The following CENPU variants were observed in gnomAD, a reference collection of about 807,000 sequenced individuals.
CENPU encodes centromere protein U, also known as KSHV latent nuclear antigen interacting protein 1.
Under a neutral mutation model 56.7 loss-of-function variants are expected in CENPU, and 46 were observed. The ratio of observed to expected loss-of-function variants is 0.81; its 90% CI spans 0.64 to 1.04. The LOEUF is 1.04. Ranked by LOEUF, CENPU falls within the 50% of genes least tolerant of loss-of-function variation. The pLI is 0.00. For missense variants in CENPU, 510 were observed against 490.1 expected (o/e 1.04, Z -0.38); for synonymous variants, 166 against 163.0 (o/e 1.02, Z -0.14).
Position 184,694,248 on chromosome 4 carries a change from G to C in CENPU, c.*1040C>G. Reference sequence around the variant, plus strand: ...TTGTTAAAAAATTAAATCCACCCTTGCTCTTCCGTCGGGGAGTATTGAAAA... The same window carrying C: ...TTGTTAAAAAATTAAATCCACCCTTCCTCTTCCGTCGGGGAGTATTGAAAA... On this transcript the variant is annotated 3_prime_UTR_variant, in exon 13 of 13. Coordinates refer to ENST00000281453, the MANE Select transcript of CENPU (RefSeq NM_024629.4). 8.8e-7 allele frequency: 1 copy of C among 1,139,032 alleles called. No homozygotes were observed. The highest frequency in any genetic ancestry group is 1.1e-6 in the Non-Finnish European group (1 of 926,014). 70.6% of individuals were successfully genotyped at this position (1,139,032 alleles called of 1,614,324 possible).
At chr4:184,717,069 T>G (rs1214066218) in intron 5 of CENPU, 67 bp downstream of exon 5, 2 of 1,014,798 alleles carry the variant, frequency 2.0e-6, no homozygotes, top group Non-Finnish European at 3.0e-6. Context: ...TACAGAACAT[T>G]TTCTGTACTT....
intron 4 of CENPU, among the ~76,000 whole-genome samples, chr4:184,721,957 C>A (rs116149129): frequency 0.031 from 4,705 of 152,318 alleles, 260 homozygotes; most frequent in African/African-American, 0.11. Flanking sequence ...TTCTTCTCCT[C>A]AGCACATGGA....
chr4:184,724,106 T>C (rs1053333986), intron 4 of CENPU, among the ~76,000 whole-genome samples: 5 of 149,800 alleles, frequency 3.3e-5, no homozygotes, highest in Non-Finnish European at 7.4e-5. Flanking sequence ...CTACTAAAAA[T>C]ACAAAAAAAA....
At chr4:184,716,298 T>C in intron 6 of CENPU, 99 bp downstream of exon 6, 2 of 760,782 alleles carry the variant, frequency 2.6e-6, no homozygotes, top group Non-Finnish European at 4.3e-6. Flanking sequence ...AAATTTATCT[T>C]TGAAAAGATC....
At chr4:184,729,888 G>A (rs773314525) in intron 2 of CENPU, among the ~76,000 whole-genome samples, 11 of 152,168 alleles carry the variant, frequency 7.2e-5, no homozygotes, top group Non-Finnish European at 1.0e-4. Flanking sequence ...ATGTGGAAGG[G>A]TACTATTAAC....
chr4:184,714,397 AC>A (rs1159892476), intron 6 of CENPU, among the ~76,000 whole-genome samples: 1 of 152,208 alleles, frequency 6.6e-6, no homozygotes, highest in Non-Finnish European at 1.5e-5. Context: ...TCTTAAAAAA[AC>A]AACTCTTTCA....
chr4:184,732,620 G>GA (rs945438252), intron 1 of CENPU, among the ~76,000 whole-genome samples: 10 of 121,608 alleles, frequency 8.2e-5, no homozygotes, highest in Admixed American at 2.5e-4. Flanking sequence ...TCCTTTCTTG[G>GA]GGGGGAAAAA....
At chr4:184,729,057 T>A in intron 2 of CENPU, 22 bp from the exon 3 acceptor site, 1 of 1,556,204 alleles carries the variant, frequency 6.4e-7, no homozygotes, top group Non-Finnish European at 8.9e-7. Context: ...TAAAGTTGAG[T>A]CATTGAGTTG....
At chr4:184,701,050 T>C (rs192393094) in intron 10 of CENPU, among the ~76,000 whole-genome samples, 169 bp from the exon 11 acceptor site, 1 of 152,276 alleles carries the variant, frequency 6.6e-6, no homozygotes, top group East Asian at 1.9e-4. Context: ...AGTATGTATT[T>C]ACAGCTTGTG....
At position 184,716,619 on chromosome 4, in the gene CENPU, G is replaced by C. The variant is rs964625288; in HGVS notation, c.396C>G (p.Leu132=). Residue 132 remains leucine, a synonymous_variant, in exon 6 of 13, where the codon CTC becomes CTG. Coordinates refer to ENST00000281453, the MANE Select transcript of CENPU (RefSeq NM_024629.4). ...TTTCAGAGTCATCACTAATGGGCCT[G>C]AGCTTTCTTCCTGGCTGTGTGAAAG... ...KISAKKPGRK[L]RPISDDSESI... is the part of the protein sequence containing the mutation. 3.1e-6 allele frequency: 5 copies of C among 1,613,660 alleles called. No homozygotes were observed. In the African/African-American group the frequency reaches 5.3e-5, roughly 17 times the overall value.
At chr4:184,733,418 G>A (rs974022993) in intron 1 of CENPU, 2 of 992,282 alleles carry the variant, frequency 2.0e-6, no homozygotes, top group Non-Finnish European at 2.4e-6. Flanking sequence ...GATCCAGGCC[G>A]GGCCTTGGAT....
intron 10 of CENPU, 79 bp from the exon 11 acceptor site, chr4:184,700,960 T>C: frequency 8.4e-7 from 1 of 1,187,174 alleles, no homozygotes; most frequent in Non-Finnish European, 1.3e-6. Flanking sequence ...GGTAATGAAG[T>C]GCAGTGGAAA....
rs191225493 is a variant in CENPU at position 184,722,724 on chromosome 4, A to C, written c.320+2233T>G. 2.5e-3 allele frequency among the ~76,000 whole-genome samples: 380 copies of C among 152,190 alleles called. 9 individuals are homozygous for C. In the South Asian group the frequency reaches 0.04, roughly 16 times the overall value. On this transcript the variant is annotated intron_variant, in intron 4 of 12. Transcript: ENST00000281453. ...ACAAAACAAAACAAAACAAAAAAAA[A>C]CTGTAACATAGGGCTAATCTCACTA...
intron 1 of CENPU, among the ~76,000 whole-genome samples, chr4:184,731,705 AATTAGACTTTAAAATATGCCATGCAG>A (rs1761650993): frequency 6.6e-6 from 1 of 152,342 alleles, no homozygotes; most frequent in East Asian, 1.9e-4. Context: ...TACAGTACAT[AATTAGACTTTAAAATATGCCATGCAG>A]ATTGCAGCCA....
intron 10 of CENPU, among the ~76,000 whole-genome samples, chr4:184,701,796 T>C (rs1435425852): frequency 7.2e-5 from 11 of 152,350 alleles, no homozygotes; most frequent in African/African-American, 2.6e-4. Flanking sequence ...GGTAGTTTTT[T>C]TAAAGCTACC....
chr4:184,716,357 A>C (rs199959685), intron 6 of CENPU, 40 bp downstream of exon 6: 19 of 1,417,964 alleles, frequency 1.3e-5, no homozygotes, highest in Non-Finnish European at 1.7e-5. Context: ...TTTTTCAATA[A>C]ACTTTTTTTG....
chr4:184,707,300 T>C (rs1032732884), intron 8 of CENPU, among the ~76,000 whole-genome samples: 2 of 148,740 alleles, frequency 1.3e-5, no homozygotes, highest in African/African-American at 5.2e-5. Flanking sequence ...AATAGAGAGC[T>C]GCAGGAAACT....
intron 8 of CENPU, among the ~76,000 whole-genome samples, chr4:184,704,443 G>A (rs757867221): frequency 6.6e-6 from 1 of 151,960 alleles, no homozygotes; most frequent in Admixed American, 6.6e-5. Flanking sequence ...TCATATAGCC[G>A]CGGCATGTAC....
Position 184,697,655 on chromosome 4 carries a change from T to C in CENPU, c.1135A>G (p.Lys379Glu). 6.2e-7 allele frequency: 1 copy of C among 1,612,658 alleles called. No homozygotes were observed. The highest frequency in any genetic ancestry group is 8.5e-7 in the Non-Finnish European group (1 of 1,179,604). The change falls in exon 12 of 13, where the codon AAG becomes GAG. Residue 379 changes from lysine (K) to glutamate (E), a missense_variant. By Grantham distance (56) the Lys-to-Glu change is moderately conservative. Transcript: ENST00000281453. ...AGTAAAATTGGAGTTACCGTTTCCT[T>C]TACGTTTGGTTCTTGAGCTTGAACA... Reference protein sequence around the residue: ...SDVQAQEPNVKETYDSSSLPA... With the variant: ...SDVQAQEPNVEETYDSSSLPA...
Sources: allele counts gnomAD v4.1 joint callset (sites outside exome capture counted in the v4.1 genomes callset), GRCh38; gene constraint gnomAD v4.1.1; transcripts MANE v1.5; gene names NCBI Gene and HGNC (gene_info 2026-07-23, HGNC 2026-07-21).